The following PRKAG2 variants were observed in gnomAD, a reference collection of about 807,000 sequenced individuals.
PRKAG2 encodes the protein 5'-AMP-activated protein kinase subunit gamma-2.
PRKAG2 carries 26 observed loss-of-function variants against 69.6 expected under a neutral mutation model. The ratio of observed to expected loss-of-function variants is 0.37; its 90% CI spans 0.27 to 0.52. The LOEUF (loss-of-function observed/expected upper bound fraction) is 0.52. PRKAG2 is among the 20% of genes least tolerant of loss of function. The probability of loss-of-function intolerance (pLI) is 0.90; values close to 1 mark genes in which losing one functional copy is unlikely to be tolerated. For missense variants in PRKAG2, 557 were observed against 740.0 expected (o/e 0.75, Z 2.87); for synonymous variants, 293 against 285.0 (o/e 1.03, Z -0.28).
chr7:151,870,918 G>C (rs2080207091), intron 1 of PRKAG2, among the ~76,000 whole-genome samples: 1 of 152,208 alleles, frequency 6.6e-6, no homozygotes, highest in Non-Finnish European at 1.5e-5. Flanking sequence ...GACTGTGCAG[G>C]CTTTCTGGAG....
intron 3 of PRKAG2, among the ~76,000 whole-genome samples, chr7:151,738,491 C>T (rs888082439): frequency 1.3e-4 from 20 of 152,274 alleles, no homozygotes; most frequent in East Asian, 3.8e-4. Context: ...ATGGCCCTAA[C>T]GCACAAGCTG....
intron 1 of PRKAG2, among the ~76,000 whole-genome samples, chr7:151,826,339 C>T (rs1280331583): frequency 6.6e-6 from 1 of 152,048 alleles, no homozygotes; most frequent in African/African-American, 2.4e-5. Flanking sequence ...GACCACCACG[C>T]CTGGCTAATT....
chr7:151,679,960 C>T (rs980749078), intron 3 of PRKAG2, among the ~76,000 whole-genome samples: 8 of 151,758 alleles, frequency 5.3e-5, no homozygotes, highest in Non-Finnish European at 1.0e-4. Flanking sequence ...AGCTACATGG[C>T]GAGATTGCTT....
In PRKAG2 at chr7:151,835,711, C is replaced by G. The variant is rs745780073; in HGVS notation, c.114+40796G>C. ...AAGGAGACTGACCCAGGTCCTGTTG[C>G]AGGACAGTCACCCAGCATCCTGGCC... On this transcript the variant is annotated intron_variant, in intron 1 of 15. Coordinates refer to ENST00000287878, the MANE Select transcript of PRKAG2 (RefSeq NM_016203.4). This position sits in a 1 kb window ranked among gnomAD's most constrained non-coding sequence, Gnocchi z 4.1. Among the ~76,000 whole-genome samples, 3 of 152,182 alleles carry G rather than the reference C, an allele frequency of 2.0e-5. No homozygotes were observed. Among genetic ancestry groups the G allele is most frequent in the Non-Finnish European group, 4.4e-5 (3 of 68,038 alleles).
At chr7:151,652,857 G>A (rs766684719) in intron 4 of PRKAG2, among the ~76,000 whole-genome samples, 2 of 151,990 alleles carry the variant, frequency 1.3e-5, no homozygotes, top group African/African-American at 4.8e-5. Flanking sequence ...GGGCTCAAGC[G>A]ATCTGCCCGC....
chr7:151,810,967 AGAACCACCATGG>A (rs1416224508), intron 1 of PRKAG2: 1 of 153,790 alleles, frequency 6.5e-6, no homozygotes, highest in Non-Finnish European at 1.5e-5. Flanking sequence ...TGGCAGTAGC[AGAACCACCATGG>A]GACCCCAGGT....
intron 1 of PRKAG2, among the ~76,000 whole-genome samples, chr7:151,864,535 G>A (rs564659159): frequency 9.2e-5 from 14 of 152,208 alleles, no homozygotes; most frequent in Admixed American, 6.5e-4. Flanking sequence ...GGTTGGTATC[G>A]CTGCCCAGCA....
intron 3 of PRKAG2, among the ~76,000 whole-genome samples, chr7:151,702,867 A>G (rs1363790724): frequency 6.6e-6 from 1 of 152,154 alleles, no homozygotes; most frequent in Non-Finnish European, 1.5e-5. Context: ...CAAGTTCAGG[A>G]CTGTAGGTCT....
At chr7:151,710,618 A>G (rs1345253885) in intron 3 of PRKAG2, among the ~76,000 whole-genome samples, 5 of 152,166 alleles carry the variant, frequency 3.3e-5, no homozygotes, top group Non-Finnish European at 7.4e-5. Context: ...GCAGCCACCC[A>G]AAGTGAGGCC....
intron 1 of PRKAG2, among the ~76,000 whole-genome samples, chr7:151,875,206 C>T (rs1461213263): frequency 1.3e-5 from 2 of 152,234 alleles, no homozygotes; most frequent in African/African-American, 4.8e-5. Flanking sequence ...GTTTCCAGCC[C>T]CAGAGCTTTC....
chr7:151,757,318 A>G (rs188468131), intron 3 of PRKAG2, among the ~76,000 whole-genome samples: 101 of 152,312 alleles, frequency 6.6e-4, no homozygotes, highest in Middle Eastern at 6.8e-3. Flanking sequence ...CTGTGATCCA[A>G]CGCTGAAATG....
chr7:151,711,689 A>G (rs7810463), intron 3 of PRKAG2, among the ~76,000 whole-genome samples: 6,581 of 152,320 alleles, frequency 0.043, 495 homozygotes, highest in African/African-American at 0.15. Flanking sequence ...AAGTTAAGCA[A>G]CCTGTAGATA....
chr7:151,807,054 C>A lies in PRKAG2; in HGVS notation c.115-20513G>T. On this transcript the variant is annotated intron_variant, in intron 1 of 15. Coordinates refer to ENST00000287878, the MANE Select transcript of PRKAG2 (RefSeq NM_016203.4). This position sits in a 1 kb window ranked among gnomAD's most constrained non-coding sequence, Gnocchi z 4.4. ...ACACAAAGGTAAGACATGGACCCACCCTCAAGTCTGAAGGTGGAGGTGGGG... is the reference window on the plus strand; with the variant it reads ...ACACAAAGGTAAGACATGGACCCACACTCAAGTCTGAAGGTGGAGGTGGGG... The A allele has an allele frequency of 2.3e-6, 1 of 438,102 alleles. No homozygotes were observed. Among genetic ancestry groups the A allele is most frequent in the Non-Finnish European group, 4.5e-6 (1 of 220,330 alleles). 27.1% of individuals were successfully genotyped at this position (438,102 alleles called of 1,614,324 possible).
intron 7 of PRKAG2, among the ~76,000 whole-genome samples, chr7:151,575,259 T>A (rs1162047639): frequency 6.6e-6 from 1 of 152,174 alleles, no homozygotes; most frequent in Non-Finnish European, 1.5e-5. Flanking sequence ...TACAGGTAAA[T>A]AATTTTAAGT....
intron 1 of PRKAG2, among the ~76,000 whole-genome samples, chr7:151,860,779 C>A (rs954393922): frequency 6.6e-6 from 1 of 152,172 alleles, no homozygotes; most frequent in Non-Finnish European, 1.5e-5. Flanking sequence ...CCTACCTCTC[C>A]TAGAGGGCAC....
intron 4 of PRKAG2, among the ~76,000 whole-genome samples, chr7:151,672,831 G>T (rs940434405): frequency 2.0e-5 from 3 of 152,056 alleles, no homozygotes; most frequent in Non-Finnish European, 4.4e-5. Flanking sequence ...TGCCAGCCGC[G>T]TGCTGGGCAC....
At chr7:151,564,457 G>A (rs1805777333) in intron 13 of PRKAG2, 2 of 502,754 alleles carry the variant, frequency 4.0e-6, no homozygotes, top group Admixed American at 3.2e-5. Context: ...CCTTCCTTAC[G>A]AAGCAACATT....
At chr7:151,782,357 G>GA (rs1303043500) in intron 2 of PRKAG2, among the ~76,000 whole-genome samples, 16 of 69,884 alleles carry the variant, frequency 2.3e-4, no homozygotes, top group Non-Finnish European at 3.8e-4. Flanking sequence ...GGGAGGGAGG[G>GA]AGGGAGGGAG....
At position 151,648,909 on chromosome 7, in the gene PRKAG2, T is replaced by C. The variant is rs4726078; in HGVS notation, c.685-16771A>G. ...GTATGTGAGAGAGGACCAGGATTTT[T>C]TTTTTTTCCTTTTTATGATCAGAGA... On this transcript the variant is annotated intron_variant, in intron 4 of 15. Transcript: ENST00000287878. Among the ~76,000 whole-genome samples the C allele has an allele frequency of 1.9e-3, 285 of 151,210 alleles. 1 individual carries two copies. The highest frequency in any genetic ancestry group is 6.4e-3 in the African/African-American group (263 of 41,092).
Sources: allele counts gnomAD v4.1 joint callset (sites outside exome capture counted in the v4.1 genomes callset), GRCh38; gene constraint gnomAD v4.1.1; non-coding constraint Gnocchi (gnomAD v3.1); transcripts MANE v1.5; gene names NCBI Gene and HGNC (gene_info 2026-07-23, HGNC 2026-07-21).